The following ASH1L variants were observed in gnomAD, a reference collection of about 807,000 sequenced individuals.
ASH1L encodes ASH1 like histone lysine methyltransferase, also known as histone-lysine N-methyltransferase ASH1L.
A neutral mutation model predicts 269.0 loss-of-function variants in ASH1L; 23 were observed. The observed-to-expected ratio is 0.09, with a 90% confidence interval of 0.06 to 0.12. The LOEUF is 0.12. Among genes scored for constraint, ASH1L ranks in the 10% least tolerant of loss-of-function variants. The pLI, the probability that ASH1L is intolerant of heterozygous loss-of-function variation, is 1.00. For synonymous variants in ASH1L, 1,187 were observed against 1,253.5 expected (o/e 0.95, Z 1.12); for missense variants, 2,912 against 3,567.8 (o/e 0.82, Z 4.68).
chr1:155,421,289 A>T (rs1660653420), intron 5 of ASH1L, among the ~76,000 whole-genome samples: 1 of 146,278 alleles, frequency 6.8e-6, no homozygotes, highest in Admixed American at 6.9e-5. Context: ...ACTGATCTAT[A>T]GATCTAACAC....
chr1:155,532,352 T>C (rs1669724692), intron 1 of ASH1L, among the ~76,000 whole-genome samples: 1 of 152,168 alleles, frequency 6.6e-6, no homozygotes, highest in Non-Finnish European at 1.5e-5. Context: ...ACATATACAT[T>C]GTATAAAAAC....
Position 155,562,377 on chromosome 1 carries a change from GA to G in ASH1L, c.-325del. 6.6e-7 allele frequency: 1 copy of G among 1,508,790 alleles called. No homozygotes were observed. The highest frequency in any genetic ancestry group is 9.0e-7 in the Non-Finnish European group (1 of 1,108,634). The allele number at this position is 1,508,790 out of a possible 1,614,324, so 93.5% of individuals were successfully genotyped here. A position where few individuals can be genotyped will look rare whatever the true frequency, so the allele number is the denominator to read the frequency against. On this transcript the variant is annotated 5_prime_UTR_variant, in exon 1 of 28. Coordinates refer to ENST00000392403, the MANE Select transcript of ASH1L (RefSeq NM_018489.3). ...GAGGGGAGGCGGGTCCCGCAACCGA[GA>G]CTGGGATCGTCTCCCCTCCGCAAAG...
intron 1 of ASH1L, among the ~76,000 whole-genome samples, chr1:155,537,916 T>C (rs1208487679): frequency 6.6e-6 from 1 of 152,214 alleles, no homozygotes; most frequent in Non-Finnish European, 1.5e-5. Context: ...TATCTGCTGA[T>C]CTGATTTGGC....
chr1:155,444,909 G>A (rs945270312), intron 4 of ASH1L, among the ~76,000 whole-genome samples: 4 of 151,250 alleles, frequency 2.6e-5, no homozygotes, highest in Non-Finnish European at 5.9e-5. Flanking sequence ...GAGCCACCGC[G>A]CCCGGCCAAG....
intron 15 of ASH1L, among the ~76,000 whole-genome samples, chr1:155,355,140 C>T (rs1654262933): frequency 6.6e-6 from 1 of 152,184 alleles, no homozygotes; most frequent in Admixed American, 6.5e-5. Context: ...ACTGCAACCT[C>T]TGCTTCCCGG....
At chr1:155,432,800 A>G (rs1240129352) in intron 5 of ASH1L, among the ~76,000 whole-genome samples, 3 of 152,106 alleles carry the variant, frequency 2.0e-5, no homozygotes, top group African/African-American at 4.8e-5. Context: ...CAGTGGTACA[A>G]TCTAGGCTCA....
At chr1:155,392,442 C>T (rs1212912680) in intron 7 of ASH1L, among the ~76,000 whole-genome samples, 1 of 152,084 alleles carries the variant, frequency 6.6e-6, no homozygotes, top group Non-Finnish European at 1.5e-5. Flanking sequence ...TCTCCAGTGA[C>T]TTAGGATTAC....
chr1:155,339,219 G>T, intron 26 of ASH1L, 109 bp downstream of exon 26: 1 of 986,122 alleles, frequency 1.0e-6, no homozygotes, highest in Non-Finnish European at 1.6e-6. Flanking sequence ...ACTCTGCAGA[G>T]AATACCCAGT....
At chr1:155,392,541 T>C (rs1422666792) in intron 7 of ASH1L, among the ~76,000 whole-genome samples, 1 of 152,072 alleles carries the variant, frequency 6.6e-6, no homozygotes, top group African/African-American at 2.4e-5. Context: ...CAGGCTGGAG[T>C]ATAGTAGCAT....
intron 1 of ASH1L, among the ~76,000 whole-genome samples, chr1:155,542,325 G>A (rs146789714): frequency 0.028 from 4,250 of 152,118 alleles, 177 homozygotes; most frequent in African/African-American, 0.098. Context: ...TGAGGCGGGC[G>A]GATCACGAGG....
intron 7 of ASH1L, among the ~76,000 whole-genome samples, chr1:155,387,445 G>A (rs750291288): frequency 2.8e-4 from 42 of 152,134 alleles, no homozygotes; most frequent in Non-Finnish European, 4.3e-4. Context: ...GCAGTTGTAG[G>A]TGTGCAGTCT....
At chr1:155,461,107 A>C (rs553430376) in intron 3 of ASH1L, among the ~76,000 whole-genome samples, 49 of 152,240 alleles carry the variant, frequency 3.2e-4, no homozygotes, top group Non-Finnish European at 6.5e-4. Flanking sequence ...AAAAGGTACA[A>C]TAAATCAAAA....
chr1:155,547,830 A>C (rs1473525481), intron 1 of ASH1L, among the ~76,000 whole-genome samples: 1 of 152,062 alleles, frequency 6.6e-6, no homozygotes, highest in Admixed American at 6.6e-5. Context: ...AAAATTAGCC[A>C]AGCATGGTGG....
Position 155,434,194 on chromosome 1 carries a change from T to C in ASH1L, c.5828+4133A>G, listed in dbSNP as rs191092172. The C allele has an allele frequency of 1.6e-4, 251 of 1,594,842 alleles. 1 individual carries two copies. In the African/African-American group the frequency reaches 2.8e-3, roughly 18 times the overall value. On this transcript the variant is annotated intron_variant, in intron 5 of 27. Transcript: ENST00000392403. ...TCACTGCACTGTACTCCTCGGTCCC[T>C]TTCCCTGAGGGGGAAGCCTTTCCCC...
rs72704168 is a variant in ASH1L, at chr1:155,399,352, G to A, written c.6009-3799C>T. Among the ~76,000 whole-genome samples the A allele has an allele frequency of 8.3e-3, 1,266 of 152,246 alleles. 11 individuals are homozygous for A. Among genetic ancestry groups the A allele is most frequent in the Non-Finnish European group, 0.013 (866 of 68,000 alleles). On this transcript the variant is annotated intron_variant, in intron 6 of 27. Transcript: ENST00000392403. ...CAGAATGTGATAAAACTTTGAGGCCGGGAGCAGTGGCTCACATATGTAATC... is the reference window on the plus strand; with the variant it reads ...CAGAATGTGATAAAACTTTGAGGCCAGGAGCAGTGGCTCACATATGTAATC...
chr1:155,384,296 C>T (rs953079664), intron 7 of ASH1L, among the ~76,000 whole-genome samples: 4 of 152,086 alleles, frequency 2.6e-5, no homozygotes, highest in Non-Finnish European at 5.9e-5. Flanking sequence ...CTTCTTAATT[C>T]CTGACAGATA....
chr1:155,479,606 A>C lies in ASH1L; in HGVS notation c.3264T>G (p.Ile1088Met), dbSNP rs367721790. The change falls in exon 3 of 28, where the codon ATT becomes ATG. Residue 1088 changes from isoleucine (I) to methionine (M), a missense_variant. Physicochemically the swap from Ile to Met is conservative, Grantham distance 10 (BLOSUM62 1). This residue lies in a region of ASH1L where 157 missense variants were observed against 154.6 expected (regional missense o/e 1.02). Transcript: ENST00000392403. ...CAGATGAAGGCAGTAATGGGGGAAG[A>C]ATCTGTCCTAATGCTGACCCAGCTG... The part of the protein sequence containing the change: ...QQAAGSALGQ[I>M]LPPLLPSSAS... The C allele has an allele frequency of 2.4e-5, 39 of 1,614,118 alleles. No individual in the cohort carries two copies. The highest frequency in any genetic ancestry group is 3.1e-5 in the Non-Finnish European group (37 of 1,180,050).
At chr1:155,405,970 G>A (rs988297288) in intron 6 of ASH1L, among the ~76,000 whole-genome samples, 1 of 151,954 alleles carries the variant, frequency 6.6e-6, no homozygotes, top group Non-Finnish European at 1.5e-5. Context: ...TTGGGAGGCC[G>A]AGGCGGATGG....
chr1:155,506,405 A>C (rs1428842628), intron 2 of ASH1L, among the ~76,000 whole-genome samples: 1 of 152,226 alleles, frequency 6.6e-6, no homozygotes, highest in Non-Finnish European at 1.5e-5. Context: ...TTATTTAAGA[A>C]ACAACATTAG....
Sources: allele counts gnomAD v4.1 joint callset (sites outside exome capture counted in the v4.1 genomes callset), GRCh38; gene constraint gnomAD v4.1.1; regional missense constraint gnomAD v4.1.1; transcripts MANE v1.5; gene names NCBI Gene and HGNC (gene_info 2026-07-23, HGNC 2026-07-21).